The following GPBP1 variants were observed in gnomAD, a reference collection of about 807,000 sequenced individuals.
GPBP1 encodes the protein vasculin.
GPBP1 carries 13 observed loss-of-function variants against 56.5 expected under a neutral mutation model. The observed-to-expected ratio is 0.23, with a 90% CI of 0.15 to 0.37. The LOEUF is 0.37. Among genes scored for constraint, GPBP1 ranks in the 10% least tolerant of loss-of-function variants. GPBP1 has a pLI of 1.00. For missense variants in GPBP1, 477 were observed against 572.3 expected (o/e 0.83, Z 1.70); for synonymous variants, 204 against 188.9 (o/e 1.08, Z -0.66).
At position 57,199,143 on chromosome 5, in the gene GPBP1, A is replaced by G. The variant is rs559652302; in HGVS notation, c.-57-14931A>G. Among the ~76,000 whole-genome samples the G allele has an allele frequency of 2.0e-5, 3 of 152,320 alleles. No homozygotes were observed. In the South Asian group the frequency reaches 6.2e-4, roughly 32 times the overall value. ...GTTCTTTCAGAATACTACTATATCA[A>G]TTCCACAATATTTATGTTCTTTTAA... On this transcript the variant is annotated intron_variant, in intron 2 of 11. Transcript: ENST00000506184.
At chr5:57,201,248 C>G (rs548334203) in intron 2 of GPBP1, among the ~76,000 whole-genome samples, 1 of 152,210 alleles carries the variant, frequency 6.6e-6, no homozygotes, top group Non-Finnish European at 1.5e-5. Context: ...GCCTCAGCCT[C>G]TTGAGAAACT....
chr5:57,230,786 C>T (rs1756419373), intron 3 of GPBP1, 60 bp from the exon 4 acceptor site: 5 of 1,404,546 alleles, frequency 3.6e-6, no homozygotes, highest in Non-Finnish European at 4.9e-6. Flanking sequence ...TGGAGTATTA[C>T]TAGTTTTTAA....
chr5:57,233,305 A>G (rs530972756), intron 5 of GPBP1, among the ~76,000 whole-genome samples: 1 of 152,338 alleles, frequency 6.6e-6, no homozygotes, highest in East Asian at 1.9e-4. Context: ...GATTACTCTT[A>G]GGTCCTGTTA....
intron 2 of GPBP1, among the ~76,000 whole-genome samples, chr5:57,201,714 A>G (rs745393962): frequency 6.6e-6 from 1 of 152,200 alleles, no homozygotes; most frequent in African/African-American, 2.4e-5. Flanking sequence ...TTGTAGTGCA[A>G]TGCAGAAATT....
chr5:57,194,496 T>C (rs924898533), intron 2 of GPBP1, among the ~76,000 whole-genome samples: 1 of 152,198 alleles, frequency 6.6e-6, no homozygotes, highest in African/African-American at 2.4e-5. Flanking sequence ...AGTGGGAATA[T>C]CACTTCAAGC....
intron 10 of GPBP1, among the ~76,000 whole-genome samples, chr5:57,254,870 T>C (rs1741577687): frequency 6.6e-6 from 1 of 152,216 alleles, no homozygotes; most frequent in South Asian, 2.1e-4. Flanking sequence ...ACATTTAATG[T>C]GAACAGATGA....
intron 3 of GPBP1, among the ~76,000 whole-genome samples, chr5:57,223,772 T>A (rs1466375169): frequency 2.0e-5 from 3 of 149,262 alleles, no homozygotes; most frequent in Non-Finnish European, 1.5e-5. Flanking sequence ...ATATATATAT[T>A]TTAAAATTAT....
intron 3 of GPBP1, among the ~76,000 whole-genome samples, chr5:57,226,783 A>G (rs1441571175): frequency 8.0e-6 from 1 of 124,472 alleles, no homozygotes; most frequent in African/African-American, 3.2e-5. Flanking sequence ...TCTATTGCCC[A>G]GGCTAGAGTG....
chr5:57,214,561 G>T (rs905773778), intron 3 of GPBP1, among the ~76,000 whole-genome samples: 1 of 152,006 alleles, frequency 6.6e-6, no homozygotes, highest in African/African-American at 2.4e-5. Flanking sequence ...CTCCAGCCTG[G>T]GCAACAAGAG....
chr5:57,244,859 G>C lies in GPBP1; in HGVS notation c.479-1441G>C, dbSNP rs368601857. On this transcript the variant is annotated intron_variant, in intron 6 of 11. Coordinates refer to ENST00000506184, the MANE Select transcript of GPBP1 (RefSeq NM_022913.4). ...AGTGATTCTCCTGCCTCAGCCTCCCGAGTAGCTGGGATTATAGGCACATGC... is the reference window on the plus strand; with the variant it reads ...AGTGATTCTCCTGCCTCAGCCTCCCCAGTAGCTGGGATTATAGGCACATGC... 1.6e-3 allele frequency among the ~76,000 whole-genome samples: 236 copies of C among 148,450 alleles called. 5 individuals are homozygous for C. In the East Asian group the frequency reaches 0.036, roughly 23 times the overall value.
intron 1 of GPBP1, among the ~76,000 whole-genome samples, chr5:57,174,423 T>G (rs1579957758): frequency 2.9e-5 from 4 of 136,096 alleles, no homozygotes; most frequent in African/African-American, 5.6e-5. Flanking sequence ...GGAGCGGAGG[T>G]GGTGGTTGTG....
At chr5:57,229,230 C>CAAAAAAAAAAAAAAAAAAA (rs543005934) in intron 3 of GPBP1, among the ~76,000 whole-genome samples, 4 of 77,424 alleles carry the variant, frequency 5.2e-5, no homozygotes, top group East Asian at 2.3e-4. Context: ...GACTCCATCT[C>CAAAAAAAAAAAAAAAAAAA]AAAAAAAAAA....
intron 3 of GPBP1, among the ~76,000 whole-genome samples, chr5:57,228,410 G>A (rs1756288811): frequency 6.6e-6 from 1 of 151,606 alleles, no homozygotes; most frequent in Non-Finnish European, 1.5e-5. Context: ...AGCTGAGATT[G>A]CACCATTGCA....
intron 2 of GPBP1, among the ~76,000 whole-genome samples, chr5:57,177,376 G>A (rs1753830133): frequency 6.6e-6 from 1 of 151,272 alleles, no homozygotes; most frequent in Non-Finnish European, 1.5e-5. Context: ...TTTTCTCTTT[G>A]ACTAATGACA....
At chr5:57,254,218 C>T (rs1000146094) in intron 10 of GPBP1, among the ~76,000 whole-genome samples, 1 of 152,184 alleles carries the variant, frequency 6.6e-6, no homozygotes. Flanking sequence ...CATGCCCAGC[C>T]CTTCCCCACG....
chr5:57,191,909 T>A (rs1754543203), intron 2 of GPBP1, among the ~76,000 whole-genome samples: 1 of 152,170 alleles, frequency 6.6e-6, no homozygotes, highest in African/African-American at 2.4e-5. Context: ...AATTTAAGAC[T>A]TATCATTTTT....
intron 3 of GPBP1, among the ~76,000 whole-genome samples, chr5:57,218,417 A>G (rs1280889643): frequency 2.6e-5 from 4 of 152,216 alleles, no homozygotes; most frequent in Non-Finnish European, 5.9e-5. Context: ...TGATTTTATT[A>G]TAAAGGATAC....
At chr5:57,218,497 C>T (rs548177848) in intron 3 of GPBP1, among the ~76,000 whole-genome samples, 1 of 152,092 alleles carries the variant, frequency 6.6e-6, no homozygotes, top group African/African-American at 2.4e-5. Context: ...GCTTCCATGC[C>T]CTGTCTGGGT....
Position 57,254,075 on chromosome 5 carries a change from A to G in GPBP1, c.1160+2934A>G, listed in dbSNP as rs183125549. Among the ~76,000 whole-genome samples, 20 of 152,192 alleles carry G rather than the reference A, an allele frequency of 1.3e-4. No individual in the cohort carries two copies. In the East Asian group the frequency reaches 3.9e-3, roughly 30 times the overall value. On this transcript the variant is annotated intron_variant, in intron 10 of 11. Transcript: ENST00000506184. Reference sequence around the variant, plus strand: ...GGAACAGCTGGGATTACAGGTGTGTACCACCATGCCTGGCTAACTTCTGTA... The same window carrying G: ...GGAACAGCTGGGATTACAGGTGTGTGCCACCATGCCTGGCTAACTTCTGTA...
Sources: allele counts gnomAD v4.1 joint callset (sites outside exome capture counted in the v4.1 genomes callset), GRCh38; gene constraint gnomAD v4.1.1; transcripts MANE v1.5; gene names NCBI Gene and HGNC (gene_info 2026-07-23, HGNC 2026-07-21).